The following GRIN2D variants were observed in gnomAD, a reference collection of about 807,000 sequenced individuals.
GRIN2D encodes glutamate receptor ionotropic, NMDA 2D.
In GRIN2D, 37 loss-of-function variants were observed where a neutral mutation model predicts 103.2. The ratio of observed to expected loss-of-function variants is 0.36; its 90% CI spans 0.28 to 0.47. The LOEUF is 0.47. Ranked by LOEUF, GRIN2D falls within the 20% of genes least tolerant of loss-of-function variation. GRIN2D has a pLI of 1.00. For synonymous variants in GRIN2D, 845 were observed against 885.6 expected (o/e 0.95, Z 0.81); for missense variants, 1,557 against 1,910.6 (o/e 0.81, Z 3.45).
At chr19:48,401,532 C>A (rs562372504) in intron 3 of GRIN2D, among the ~76,000 whole-genome samples, 1 of 152,206 alleles carries the variant, frequency 6.6e-6, no homozygotes, top group South Asian at 2.1e-4. Flanking sequence ...AAGGACAAAG[C>A]CCTTGAAGCA....
chr19:48,405,245 T>C lies in GRIN2D; in HGVS notation c.977T>C (p.Val326Ala). ...CGGCGAGTGGCAGCTGGCGTGGCCG[T>C]AGTGGCCAGAGGTGCCCAGGCCCTG... ...LARRVAAGVAVVARGAQALLR... is the reference protein window; with the variant it reads ...LARRVAAGVAAVARGAQALLR... The change falls in exon 4 of 14, where the codon GTA (valine) becomes GCA (alanine). Residue 326 changes from valine to alanine, a missense_variant. By Grantham distance (64) the Val-to-Ala change is moderately conservative. This residue lies in a region of GRIN2D where 490 missense variants were observed against 601.1 expected (regional missense o/e 0.82). Coordinates refer to ENST00000263269, the MANE Select transcript of GRIN2D (RefSeq NM_000836.4). This position sits in a 1 kb window ranked among gnomAD's most constrained non-coding sequence, Gnocchi z 5.1. 1 of 1,597,880 alleles carries C rather than the reference T, an allele frequency of 6.3e-7. No homozygotes were observed. The highest frequency in any genetic ancestry group is 8.5e-7 in the Non-Finnish European group (1 of 1,177,320).
intron 3 of GRIN2D, among the ~76,000 whole-genome samples, chr19:48,402,743 A>AG (rs1970732668): frequency 7.0e-6 from 1 of 143,290 alleles, no homozygotes; most frequent in Non-Finnish European, 1.5e-5. Context: ...AAAAAAAAAA[A>AG]AAAAGATTCT....
At position 48,417,016 on chromosome 19, in the gene GRIN2D, A is replaced by G. The variant is rs981481135; in HGVS notation, c.1735+861A>G. On this transcript the variant is annotated intron_variant, in intron 8 of 13. Coordinates refer to ENST00000263269, the MANE Select transcript of GRIN2D (RefSeq NM_000836.4). Reference sequence around the variant, plus strand: ...CACCTCAGCCTCCCAAAATGCTGGAATTACAGGCGTGAGCCACTGCACCCG... The same window carrying G: ...CACCTCAGCCTCCCAAAATGCTGGAGTTACAGGCGTGAGCCACTGCACCCG... 6.6e-5 allele frequency among the ~76,000 whole-genome samples: 10 copies of G among 152,304 alleles called. No homozygotes were observed. In the South Asian group the frequency reaches 1.2e-3, roughly 19 times the overall value.
In GRIN2D at chr19:48,434,249, G is replaced by A. The variant is rs183535877; in HGVS notation, c.2253-7520G>A. Among the ~76,000 whole-genome samples the A allele has an allele frequency of 9.6e-4, 143 of 148,760 alleles. 1 individual carries two copies. The highest frequency in any genetic ancestry group is 3.4e-3 in the African/African-American group (138 of 40,256). ...ACAGGCACAAGCCACCGCGCCTGGC[G>A]GCCGCTTCTTCTATTTTCTTTTGAG... is the stretch of plus-strand genomic sequence containing the variant. On this transcript the variant is annotated intron_variant, in intron 11 of 13. Transcript: ENST00000263269.
intron 2 of GRIN2D, among the ~76,000 whole-genome samples, chr19:48,397,150 G>T (rs1432160342): frequency 6.6e-6 from 1 of 152,116 alleles, no homozygotes; most frequent in Non-Finnish European, 1.5e-5. Flanking sequence ...TCCCAGATGG[G>T]GCCATGACTC....
intron 11 of GRIN2D, among the ~76,000 whole-genome samples, chr19:48,429,845 C>T (rs1053181049): frequency 4.6e-5 from 7 of 152,012 alleles, no homozygotes; most frequent in African/African-American, 1.7e-4. Flanking sequence ...GGGCACGAGC[C>T]ACCGTGCCTG....
intron 11 of GRIN2D, among the ~76,000 whole-genome samples, chr19:48,422,450 A>C (rs1456598759): frequency 6.6e-6 from 1 of 152,074 alleles, no homozygotes; most frequent in Non-Finnish European, 1.5e-5. Context: ...GTCTCTACAA[A>C]AAATACAAAA....
intron 11 of GRIN2D, among the ~76,000 whole-genome samples, chr19:48,429,254 C>T (rs957325556): frequency 1.1e-4 from 16 of 152,228 alleles, no homozygotes; most frequent in African/African-American, 2.6e-4. Context: ...GAGTCAAGGT[C>T]GCACTCTGTC....
intron 11 of GRIN2D, among the ~76,000 whole-genome samples, chr19:48,424,233 T>C (rs1971058325): frequency 2.1e-5 from 3 of 144,322 alleles, no homozygotes; most frequent in South Asian, 4.4e-4. Context: ...CTGTGAAACA[T>C]AGTGAGACCC....
intron 7 of GRIN2D, 31 bp from the exon 8 acceptor site, chr19:48,415,971 C>A: frequency 6.3e-7 from 1 of 1,598,450 alleles, no homozygotes. Flanking sequence ...AGCCGGGTTC[C>A]CCCGCCCACT....
At chr19:48,426,189 T>C (rs1486599759) in intron 11 of GRIN2D, among the ~76,000 whole-genome samples, 1 of 151,824 alleles carries the variant, frequency 6.6e-6, no homozygotes, top group Non-Finnish European at 1.5e-5. Flanking sequence ...GCTTTTTTTC[T>C]TTTCTCTTCT....
chr19:48,441,651 G>A, intron 11 of GRIN2D, 118 bp from the exon 12 acceptor site: 1 of 736,096 alleles, frequency 1.4e-6, no homozygotes, highest in East Asian at 2.6e-5. Flanking sequence ...ATTTGCTCAA[G>A]AGCTCAGGGC....
At chr19:48,415,328 G>A (rs1197885507) in intron 7 of GRIN2D, among the ~76,000 whole-genome samples, 1 of 151,834 alleles carries the variant, frequency 6.6e-6, no homozygotes, top group African/African-American at 2.4e-5. Context: ...CGGAGATCGC[G>A]CCACTGCACT....
chr19:48,409,488 G>A (rs1200259209), intron 4 of GRIN2D, among the ~76,000 whole-genome samples: 5 of 151,968 alleles, frequency 3.3e-5, no homozygotes, highest in African/African-American at 9.7e-5. Flanking sequence ...TGTTGGCCAG[G>A]CTGCTCTCAA....
chr19:48,418,689 A>G (rs1970977108), intron 8 of GRIN2D, among the ~76,000 whole-genome samples: 1 of 151,952 alleles, frequency 6.6e-6, no homozygotes, highest in Non-Finnish European at 1.5e-5. Context: ...AGGACGGCAA[A>G]TGAGGTTTGG....
intron 11 of GRIN2D, among the ~76,000 whole-genome samples, chr19:48,433,955 T>C (rs1971193228): frequency 6.6e-6 from 1 of 151,316 alleles, no homozygotes; most frequent in African/African-American, 2.4e-5. Flanking sequence ...TCTTTTCTTT[T>C]TTTTTTTTTT....
intron 11 of GRIN2D, among the ~76,000 whole-genome samples, chr19:48,428,629 C>T (rs1044717520): frequency 2.6e-5 from 4 of 152,148 alleles, no homozygotes; most frequent in African/African-American, 9.7e-5. Flanking sequence ...TCCCAAAGTG[C>T]TTGGATTACA....
chr19:48,442,655 C>T lies in GRIN2D; in HGVS notation c.2729C>T (p.Pro910Leu). 1 of 1,475,266 alleles carries T rather than the reference C, an allele frequency of 6.8e-7. No individual in the cohort carries two copies. The allele number at this position is 1,475,266 out of a possible 1,614,324, so 91.4% of individuals were successfully genotyped here. A position where few individuals can be genotyped will look rare whatever the true frequency, so the allele number is the denominator to read the frequency against. ...GCCCCACCGCCCGCCAAGCCCCCGC[C>T]GCCGCCACAGCCCCTGCCCAGCCCC... The part of the protein sequence containing the change: ...EAAPPPAKPP[P>L]PPQPLPSPAY... The change falls in exon 14 of 14, where the codon CCG (proline) becomes CTG (leucine). Residue 910 changes from proline (P) to leucine (L), a missense_variant. Around this residue, in one of 7 missense-constraint regions of GRIN2D, gnomAD observed 632 missense variants for 572.8 expected, o/e 1.10. Coordinates refer to ENST00000263269, the MANE Select transcript of GRIN2D (RefSeq NM_000836.4). The surrounding 1 kb of genome is among the most constrained non-coding windows in gnomAD (Gnocchi z 7.2).
At chr19:48,410,740 A>G (rs1970847790) in intron 4 of GRIN2D, among the ~76,000 whole-genome samples, 1 of 151,924 alleles carries the variant, frequency 6.6e-6, no homozygotes, top group Admixed American at 6.6e-5. Context: ...TGGAGGCTGG[A>G]GGCCAGGCAG....
Sources: allele counts gnomAD v4.1 joint callset (sites outside exome capture counted in the v4.1 genomes callset), GRCh38; gene constraint gnomAD v4.1.1; regional missense constraint gnomAD v4.1.1; non-coding constraint Gnocchi (gnomAD v3.1); transcripts MANE v1.5; gene names NCBI Gene and HGNC (gene_info 2026-07-23, HGNC 2026-07-21).